Variants in RIMS1 observed in about 807,000 individuals in gnomAD.
RIMS1 encodes the protein regulating synaptic membrane exocytosis 1, also known as regulating synaptic membrane exocytosis protein 1.
A neutral mutation model predicts 214.1 loss-of-function variants in RIMS1; 83 were observed. The ratio of observed to expected loss-of-function variants is 0.39; its 90% CI spans 0.32 to 0.47. RIMS1 has a LOEUF of 0.47. Ranked by LOEUF, RIMS1 falls within the 20% of genes least tolerant of loss-of-function variation. RIMS1 has a pLI of 0.99. For missense variants in RIMS1, 2,050 were observed against 2,161.8 expected (o/e 0.95, Z 1.03); for synonymous variants, 793 against 786.8 (o/e 1.01, Z -0.13).
intron 1 of RIMS1, among the ~76,000 whole-genome samples, chr6:71,916,250 G>A (rs1031689708): frequency 2.0e-5 from 3 of 152,112 alleles, no homozygotes; most frequent in African/African-American, 7.2e-5. Flanking sequence ...AAGCTGGAAT[G>A]AGCTCCCAGG....
intron 28 of RIMS1, among the ~76,000 whole-genome samples, chr6:72,318,660 A>G (rs2095965611): frequency 6.6e-6 from 1 of 152,152 alleles, no homozygotes; most frequent in Non-Finnish European, 1.5e-5. Flanking sequence ...CTCTCTGAGA[A>G]AAGTGCATTA....
At chr6:72,191,762 G>A (rs761363644) in intron 6 of RIMS1, among the ~76,000 whole-genome samples, 1 of 152,200 alleles carries the variant, frequency 6.6e-6, no homozygotes, top group Non-Finnish European at 1.5e-5. Flanking sequence ...TGGTATAGCA[G>A]CTGCAATTGG....
intron 2 of RIMS1, among the ~76,000 whole-genome samples, chr6:71,986,352 A>G (rs1197305359): frequency 6.6e-6 from 1 of 152,088 alleles, no homozygotes; most frequent in African/African-American, 2.4e-5. Flanking sequence ...TCCTCGTCTG[A>G]CTGAATCATT....
At chr6:72,187,818 T>G (rs530118145) in intron 6 of RIMS1, among the ~76,000 whole-genome samples, 12 of 152,116 alleles carry the variant, frequency 7.9e-5, no homozygotes, top group African/African-American at 2.4e-4. Context: ...GAGATTGATA[T>G]GTGTATTAGG....
chr6:71,957,147 A>G lies in RIMS1; in HGVS notation c.165-11836A>G, dbSNP rs184306152. On this transcript the variant is annotated intron_variant, in intron 1 of 33. Coordinates refer to ENST00000521978, the MANE Select transcript of RIMS1 (RefSeq NM_014989.7). ...CAACTTTTAAGAAAGTTATTAACCA[A>G]AAACTTCTCTAGAGTAATTAGGTCT... Among the ~76,000 whole-genome samples the G allele has an allele frequency of 3.2e-3, 481 of 152,292 alleles. 2 individuals are homozygous for G. Among genetic ancestry groups the G allele is most frequent in the Non-Finnish European group, 5.8e-3 (392 of 68,026 alleles).
At chr6:72,136,592 G>T (rs1345726839) in intron 4 of RIMS1, among the ~76,000 whole-genome samples, 2 of 151,892 alleles carry the variant, frequency 1.3e-5, no homozygotes, top group South Asian at 2.1e-4. Context: ...CAAATTTTTG[G>T]ACGTGAAAAC....
chr6:71,959,390 T>C (rs992705682), intron 1 of RIMS1, among the ~76,000 whole-genome samples: 18 of 152,154 alleles, frequency 1.2e-4, no homozygotes, highest in African/African-American at 4.1e-4. Context: ...AGATATTTAT[T>C]CAGCTATTGG....
intron 4 of RIMS1, among the ~76,000 whole-genome samples, chr6:72,113,925 C>T (rs1250581919): frequency 6.6e-6 from 1 of 152,054 alleles, no homozygotes; most frequent in Non-Finnish European, 1.5e-5. Flanking sequence ...CCCTAAAATA[C>T]ATAAAAAGAC....
chr6:71,914,040 G>A (rs1777653733), intron 1 of RIMS1, among the ~76,000 whole-genome samples: 1 of 152,144 alleles, frequency 6.6e-6, no homozygotes, highest in South Asian at 2.1e-4. Flanking sequence ...CCCATTTTAG[G>A]AAAGGCAGAG....
intron 28 of RIMS1, among the ~76,000 whole-genome samples, chr6:72,321,687 T>C (rs996088584): frequency 6.6e-6 from 1 of 152,052 alleles, no homozygotes; most frequent in African/African-American, 2.4e-5. Context: ...CCTTTCCTAA[T>C]TGCCCTCCTT....
At chr6:72,113,584 C>A (rs1441421940) in intron 4 of RIMS1, among the ~76,000 whole-genome samples, 2 of 152,070 alleles carry the variant, frequency 1.3e-5, no homozygotes, top group African/African-American at 4.8e-5. Flanking sequence ...TTTAAACTTT[C>A]TTTTGAATTC....
At chr6:72,006,659 G>A (rs1260477106) in intron 2 of RIMS1, among the ~76,000 whole-genome samples, 7 of 152,162 alleles carry the variant, frequency 4.6e-5, no homozygotes, top group African/African-American at 9.7e-5. Context: ...CTTAGCAAAC[G>A]GCACACCAGG....
At chr6:72,057,642 G>C (rs1200904363) in intron 2 of RIMS1, among the ~76,000 whole-genome samples, 2 of 151,812 alleles carry the variant, frequency 1.3e-5, no homozygotes, top group African/African-American at 4.8e-5. Flanking sequence ...GGAGTAGCTG[G>C]GACTACAGGC....
chr6:72,400,065 C>T (rs1057416499), intron 33 of RIMS1, among the ~76,000 whole-genome samples: 3 of 152,170 alleles, frequency 2.0e-5, no homozygotes, highest in Admixed American at 2.0e-4. Context: ...CTTTCTGGTA[C>T]ATACATTCCA....
At position 72,300,951 on chromosome 6, in the gene RIMS1, A is replaced by G. The variant is rs182866425; in HGVS notation, c.3851-6307A>G. 1.4e-3 allele frequency among the ~76,000 whole-genome samples: 211 copies of G among 151,886 alleles called. 2 individuals are homozygous for G. The highest frequency in any genetic ancestry group is 3.2e-3 in the Admixed American group (48 of 15,174). On this transcript the variant is annotated intron_variant, in intron 26 of 33. Transcript: ENST00000521978. ...ACAAATTGCCTCTTTCACCTATGCC[A>G]ATGTTAAATTTCACTTATCTAAACA... is the stretch of plus-strand genomic sequence containing the variant.
chr6:71,919,694 A>G (rs879917805), intron 1 of RIMS1, among the ~76,000 whole-genome samples: 1 of 152,160 alleles, frequency 6.6e-6, no homozygotes, highest in Non-Finnish European at 1.5e-5. Context: ...TGGAGTAGCC[A>G]GAGATTGAGG....
chr6:72,151,790 G>A (rs1463714752), intron 4 of RIMS1, among the ~76,000 whole-genome samples: 3 of 152,184 alleles, frequency 2.0e-5, no homozygotes, highest in Non-Finnish European at 4.4e-5. Flanking sequence ...TTGCTATAAT[G>A]AAATACTTGA....
At chr6:71,957,958 G>A (rs1791782860) in intron 1 of RIMS1, among the ~76,000 whole-genome samples, 1 of 152,046 alleles carries the variant, frequency 6.6e-6, no homozygotes, top group African/African-American at 2.4e-5. Flanking sequence ...TAAGAGTTGA[G>A]CTTGTGAATC....
At chr6:71,913,968 G>C (rs1220883866) in intron 1 of RIMS1, among the ~76,000 whole-genome samples, 1 of 152,138 alleles carries the variant, frequency 6.6e-6, no homozygotes, top group Non-Finnish European at 1.5e-5. Context: ...AAGAGCCAAA[G>C]TAGTCATTGG....
Sources: gnomAD v4.1 joint callset for allele counts (sites outside exome capture counted in the v4.1 genomes callset) on GRCh38, gnomAD v4.1.1 for gene constraint, MANE v1.5 for transcripts, NCBI Gene and HGNC (gene_info 2026-07-23, HGNC 2026-07-21) for gene names.